Variants in EEF2K observed in about 807,000 individuals in gnomAD.
EEF2K encodes eukaryotic elongation factor 2 kinase.
In EEF2K, 70 loss-of-function variants were observed where a neutral mutation model predicts 93.8. That is an observed-to-expected ratio of 0.75 (90% CI 0.62 to 0.91). The LOEUF is 0.91. Among genes scored for constraint, EEF2K ranks in the 40% least tolerant of loss-of-function variants. The pLI is 0.00. For missense variants in EEF2K, 935 were observed against 972.9 expected, an observed-to-expected ratio of 0.96 and a Z score of 0.52; for synonymous variants, 376 against 380.8, an observed-to-expected ratio of 0.99 and a Z score of 0.15.
chr16:22,269,313 G>A (rs888818837), intron 15 of EEF2K, among the ~76,000 whole-genome samples: 1 of 151,912 alleles, frequency 6.6e-6, no homozygotes, highest in African/African-American at 2.4e-5. Flanking sequence ...TCTTTCCCTC[G>A]TGTCCCTATC....
At position 22,285,697 on chromosome 16, in the gene EEF2K, A is replaced by G. The variant is rs939721731; in HGVS notation, c.*1701A>G. 1.3e-5 allele frequency: 2 copies of G among 152,624 alleles called. No individual in the cohort carries two copies. Among genetic ancestry groups the G allele is most frequent in the Non-Finnish European group, 2.9e-5 (2 of 68,050 alleles). 9.5% of individuals were successfully genotyped at this position (152,624 alleles called of 1,614,324 possible). A position where few individuals can be genotyped will look rare whatever the true frequency, so the allele number is the denominator to read the frequency against. On this transcript the variant is annotated 3_prime_UTR_variant, in exon 18 of 18. Coordinates refer to ENST00000263026, the MANE Select transcript of EEF2K (RefSeq NM_013302.5). ...AAGACAGACTGCTTTGATCAACCCT[A>G]AATGCAAAAGCAGCCTATTTTTCTT... is the stretch of plus-strand genomic sequence containing the variant.
chr16:22,245,382 A>G (rs935266088), intron 3 of EEF2K, among the ~76,000 whole-genome samples: 4 of 152,202 alleles, frequency 2.6e-5, no homozygotes, highest in African/African-American at 9.6e-5. Flanking sequence ...TCATTCAAGC[A>G]TCAACTATAC....
chr16:22,281,747 G>T (rs1308934218), intron 17 of EEF2K, among the ~76,000 whole-genome samples: 7 of 152,036 alleles, frequency 4.6e-5, no homozygotes, highest in Admixed American at 2.0e-4. Context: ...TTTTGTATCT[G>T]CTTCTTTCAT....
chr16:22,254,179 C>T (rs959958340), intron 6 of EEF2K, among the ~76,000 whole-genome samples: 5 of 152,028 alleles, frequency 3.3e-5, no homozygotes, highest in Non-Finnish European at 7.4e-5. Flanking sequence ...GGGAGAGAGA[C>T]GTGGTTGTTT....
chr16:22,256,732 C>T lies in EEF2K; in HGVS notation c.619-16C>T, dbSNP rs764950680. On this transcript the variant is annotated splice_polypyrimidine_tract_variant and intron_variant, in intron 6 of 17. Coordinates refer to ENST00000263026, the MANE Select transcript of EEF2K (RefSeq NM_013302.5). Reference sequence around the variant, plus strand: ...GCCTGGGCCCTCCCGCCTGAGCCCACTCCCCATCCCACCAGGTGGACATCA... The same window carrying T: ...GCCTGGGCCCTCCCGCCTGAGCCCATTCCCCATCCCACCAGGTGGACATCA... 6.8e-6 allele frequency: 11 copies of T among 1,612,690 alleles called. No individual in the cohort carries two copies. The highest frequency in any genetic ancestry group is 1.7e-5 in the Admixed American group (1 of 59,920).
chr16:22,234,224 C>T (rs996157338), intron 2 of EEF2K, among the ~76,000 whole-genome samples: 1 of 152,172 alleles, frequency 6.6e-6, no homozygotes, highest in African/African-American at 2.4e-5. Context: ...GCTTCCCATG[C>T]CCTTATTTGG....
At chr16:22,240,518 A>G (rs2047211400) in intron 2 of EEF2K, among the ~76,000 whole-genome samples, 1 of 152,198 alleles carries the variant, frequency 6.6e-6, no homozygotes, top group Non-Finnish European at 1.5e-5. Context: ...TTGGATAGGA[A>G]GATGTTCACT....
chr16:22,238,034 A>C lies in EEF2K; in HGVS notation c.247-6596A>C, dbSNP rs547633173. On this transcript the variant is annotated intron_variant, in intron 2 of 17. Transcript: ENST00000263026. ...GCTGGGTGCGGTGGCTCACGCCTGT[A>C]ATCTCAGCACTTTGGGAGGCCAAGG... Among the ~76,000 whole-genome samples the C allele has an allele frequency of 6.9e-4, 105 of 152,276 alleles. 1 individual carries two copies. The highest frequency in any genetic ancestry group is 2.2e-3 in the African/African-American group (93 of 41,566).
intron 4 of EEF2K, 74 bp downstream of exon 4, chr16:22,248,889 C>A: frequency 1.4e-6 from 2 of 1,441,114 alleles, no homozygotes; most frequent in South Asian, 2.4e-5. Context: ...GTCTGTGCAC[C>A]CTTCTCTCCC....
At chr16:22,242,985 G>A (rs2047239102) in intron 2 of EEF2K, among the ~76,000 whole-genome samples, 1 of 151,894 alleles carries the variant, frequency 6.6e-6, no homozygotes, top group South Asian at 2.1e-4. Flanking sequence ...CTACTCAGGA[G>A]GCTGAGGCGA....
At chr16:22,224,370 C>A (rs967283999) in intron 1 of EEF2K, among the ~76,000 whole-genome samples, 1 of 150,890 alleles carries the variant, frequency 6.6e-6, no homozygotes, top group Non-Finnish European at 1.5e-5. Flanking sequence ...ATGAAGCATG[C>A]CTGTAATCCC....
intron 1 of EEF2K, among the ~76,000 whole-genome samples, chr16:22,215,310 C>G (rs1045406755): frequency 2.0e-5 from 3 of 152,258 alleles, no homozygotes; most frequent in East Asian, 3.9e-4. Flanking sequence ...GCCTTAGGTT[C>G]CCTGCCTCCA....
At chr16:22,262,317 C>G (rs2047473830) in intron 11 of EEF2K, among the ~76,000 whole-genome samples, 2 of 152,126 alleles carry the variant, frequency 1.3e-5, no homozygotes, top group Non-Finnish European at 2.9e-5. Flanking sequence ...TGAGACCAGC[C>G]TGGCCAATAT....
intron 10 of EEF2K, 27 bp downstream of exon 10, chr16:22,258,722 C>T (rs1176163117): frequency 6.2e-7 from 1 of 1,613,686 alleles, no homozygotes; most frequent in South Asian, 1.1e-5. Context: ...TCCCTAGTCA[C>T]TGTGATTGGA....
In EEF2K at chr16:22,269,041, A is replaced by G. The variant is rs542426935; in HGVS notation, c.1764+2165A>G. Among the ~76,000 whole-genome samples the G allele has an allele frequency of 2.6e-5, 4 of 152,228 alleles. No homozygotes were observed. The South Asian group carries it at 8.3e-4, about 32-fold the overall frequency. Reference sequence around the variant, plus strand: ...CTTTGAATAATAGGTAGCCATCATTATTAGTTACTTATATGTAATTCCAGA... The same window carrying G: ...CTTTGAATAATAGGTAGCCATCATTGTTAGTTACTTATATGTAATTCCAGA... On this transcript the variant is annotated intron_variant, in intron 15 of 17. Transcript: ENST00000263026.
chr16:22,220,349 C>A (rs1271773208), intron 1 of EEF2K, among the ~76,000 whole-genome samples: 1 of 152,114 alleles, frequency 6.6e-6, no homozygotes, highest in Non-Finnish European at 1.5e-5. Context: ...GGCCGAGCTC[C>A]CCACACTGTA....
chr16:22,250,661 G>A lies in EEF2K; in HGVS notation c.416G>A (p.Gly139Asp). The A allele has an allele frequency of 6.2e-7, 1 of 1,614,218 alleles. No homozygotes were observed. Among genetic ancestry groups the A allele is most frequent in the Non-Finnish European group, 8.5e-7 (1 of 1,180,040 alleles). Residue 139 changes from glycine (G) to aspartate (D), a missense_variant, in exon 5 of 18, where the codon GGC (glycine) becomes GAC (aspartate). Physicochemically the swap from Gly to Asp is moderately conservative, Grantham distance 94 (BLOSUM62 -1). Coordinates refer to ENST00000263026, the MANE Select transcript of EEF2K (RefSeq NM_013302.5). ...VLIKMASQPF[G>D]RGAMRECFRT... ...CTGTGTGGTGTCTTTCAGCCCTTCG[G>A]CCGAGGAGCAATGAGGGAGTGCTTC...
chr16:22,283,812 G>A, intron 17 of EEF2K, 75 bp from the exon 18 acceptor site: 5 of 1,366,754 alleles, frequency 3.7e-6, no homozygotes, highest in Admixed American at 2.0e-5. Flanking sequence ...CTTCTGGGAG[G>A]GGTGATGGGG....
intron 1 of EEF2K, among the ~76,000 whole-genome samples, chr16:22,225,200 A>G (rs2047050953): frequency 6.6e-6 from 1 of 152,186 alleles, no homozygotes; most frequent in South Asian, 2.1e-4. Flanking sequence ...TGTTCACAGA[A>G]CAGAAAGAAA....
Sources: allele counts gnomAD v4.1 joint callset (sites outside exome capture counted in the v4.1 genomes callset), GRCh38; gene constraint gnomAD v4.1.1; transcripts MANE v1.5; gene names NCBI Gene and HGNC (gene_info 2026-07-23, HGNC 2026-07-21).